Variants in PLRG1 observed in about 807,000 individuals in gnomAD.
The protein encoded by PLRG1 is pleiotropic regulator 1 (PRL1 homolog, Arabidopsis).
Under a neutral mutation model 74.9 loss-of-function variants are expected in PLRG1, and 28 were observed. That is an observed-to-expected ratio of 0.37 (90% CI 0.28 to 0.51). The LOEUF (loss-of-function observed/expected upper bound fraction) is 0.51. Ranked by LOEUF, PLRG1 falls within the 20% of genes least tolerant of loss-of-function variation. The pLI is 0.91. For missense variants in PLRG1, 445 were observed against 631.9 expected, an observed-to-expected ratio of 0.70 and a Z score of 3.17; for synonymous variants, 197 against 212.4, an observed-to-expected ratio of 0.93 and a Z score of 0.63.
chr4:154,537,591 A>G (rs973954328), intron 13 of PLRG1, 112 bp from the exon 14 acceptor site: 5 of 692,438 alleles, frequency 7.2e-6, no homozygotes, highest in East Asian at 2.7e-5. Context: ...ATAAAAATAC[A>G]TAAGACACAG....
intron 4 of PLRG1, among the ~76,000 whole-genome samples, 173 bp from the exon 5 acceptor site, chr4:154,546,386 T>C (rs1346525928): frequency 2.0e-5 from 3 of 152,206 alleles, no homozygotes; most frequent in Non-Finnish European, 2.9e-5. Flanking sequence ...CTACAATAAA[T>C]ACTGCTTAAT....
At chr4:154,542,829 A>T (rs973887434) in intron 7 of PLRG1, among the ~76,000 whole-genome samples, 4 of 152,234 alleles carry the variant, frequency 2.6e-5, no homozygotes, top group African/African-American at 9.6e-5. Flanking sequence ...GGAGCTAAAA[A>T]ATAAATGATC....
intron 1 of PLRG1, chr4:154,549,618 T>C (rs1396538085): frequency 2.2e-5 from 10 of 453,688 alleles, no homozygotes; most frequent in South Asian, 9.3e-5. Flanking sequence ...TCTAGCAACA[T>C]AGGGTCAGTA....
intron 7 of PLRG1, chr4:154,543,896 C>T (rs953782013): frequency 3.9e-5 from 6 of 152,124 alleles, no homozygotes; most frequent in African/African-American, 1.4e-4. Context: ...TTATGGAGTA[C>T]ATGAGATATT....
chr4:154,549,794 GTGAA>G (rs1560810451), intron 1 of PLRG1: 1 of 456,620 alleles, frequency 2.2e-6, no homozygotes, highest in African/African-American at 2.0e-5. Flanking sequence ...ATGGAGAAGA[GTGAA>G]TGGAATCAAT....
chr4:154,540,408 GA>G, intron 10 of PLRG1, 185 bp downstream of exon 10: 1 of 600,640 alleles, frequency 1.7e-6, no homozygotes, highest in Non-Finnish European at 2.9e-6. Context: ...CTAACATGGT[GA>G]GGCCATACAA....
intron 12 of PLRG1, among the ~76,000 whole-genome samples, chr4:154,538,353 T>C (rs549397832): frequency 1.3e-5 from 2 of 152,250 alleles, no homozygotes; most frequent in South Asian, 2.1e-4. Context: ...ATTTCCTTAA[T>C]GCTCTGCACT....
intron 2 of PLRG1, among the ~76,000 whole-genome samples, chr4:154,548,292 C>A (rs1475861835): frequency 1.3e-5 from 2 of 151,952 alleles, no homozygotes; most frequent in African/African-American, 4.8e-5. Context: ...AAAAGAAATG[C>A]ATTTATATTA....
At chr4:154,543,723 A>C (rs1009042318) in intron 7 of PLRG1, among the ~76,000 whole-genome samples, 2 of 152,186 alleles carry the variant, frequency 1.3e-5, no homozygotes, top group Admixed American at 6.5e-5. Context: ...AATTCATTAG[A>C]GCTGTATGTC....
chr4:154,543,626 A>G (rs530557809), intron 7 of PLRG1, among the ~76,000 whole-genome samples: 18 of 152,316 alleles, frequency 1.2e-4, no homozygotes, highest in African/African-American at 4.1e-4. Flanking sequence ...GTAACTACAA[A>G]CGAATAGCAC....
At chr4:154,549,085 G>T (rs1479622466) in intron 1 of PLRG1, 150 bp from the exon 2 acceptor site, 13 of 628,924 alleles carry the variant, frequency 2.1e-5, no homozygotes, top group South Asian at 2.0e-4. Flanking sequence ...CAGGAGTCAA[G>T]TTCAGAGAAG....
chr4:154,550,379 C>A lies in PLRG1; in HGVS notation c.-71G>T. 5 of 1,448,620 alleles carry A rather than the reference C, an allele frequency of 3.5e-6. No individual in the cohort carries two copies. Among genetic ancestry groups the A allele is most frequent in the South Asian group, 2.3e-5 (2 of 87,632 alleles). The allele number at this position is 1,448,620 out of a possible 1,614,324, so 89.7% of individuals were successfully genotyped here. The stretch of plus-strand genomic sequence containing the variant: ...ACTAACGCAGTACCCGCCGCCACAG[C>A]TGTGCAGCACCTTCCGGAATTGGGC... On this transcript the variant is annotated 5_prime_UTR_variant, in exon 1 of 15. Transcript: ENST00000499023.
chr4:154,537,941 C>A (rs1011629017), intron 13 of PLRG1, 28 bp downstream of exon 13: 2 of 1,286,444 alleles, frequency 1.6e-6, no homozygotes, highest in Non-Finnish European at 2.1e-6. Flanking sequence ...ACAGACTAAA[C>A]ATATTTATTA....
At chr4:154,543,708 A>G (rs1056302900) in intron 7 of PLRG1, among the ~76,000 whole-genome samples, 2 of 152,232 alleles carry the variant, frequency 1.3e-5, no homozygotes, top group East Asian at 1.9e-4. Context: ...CAATACATCT[A>G]TTACAATTCA....
Position 154,538,058 on chromosome 4 carries a change from G to A in PLRG1, c.1202C>T (p.Pro401Leu). The A allele has an allele frequency of 6.5e-7, 1 of 1,527,974 alleles. No individual in the cohort carries two copies. The highest frequency in any genetic ancestry group is 9.0e-7 in the Non-Finnish European group (1 of 1,113,372). 94.7% of individuals were successfully genotyped at this position (1,527,974 alleles called of 1,614,324 possible). A position where few individuals can be genotyped will look rare whatever the true frequency, so the allele number is the denominator to read the frequency against. ...AAGATTTTGAATGAAACTTCCATCA[G>A]GGAATTTCCACTGCTTTATGTTATC... The part of the protein sequence containing the change: ...SPDNIKQWKF[P>L]DGSFIQNLSG... The change falls in exon 13 of 15, where the codon CCT (proline) becomes CTT (leucine). Residue 401 changes from proline (P) to leucine (L), a missense_variant. Pro to Leu is a moderately conservative substitution (Grantham distance 98). Coordinates refer to ENST00000499023, the MANE Select transcript of PLRG1 (RefSeq NM_002669.4).
intron 6 of PLRG1, among the ~76,000 whole-genome samples, chr4:154,545,515 TA>T (rs199705573): frequency 0.32 from 46,321 of 146,420 alleles, 7,234 homozygotes; most frequent in Middle Eastern, 0.38. Context: ...TAAAATTTAA[TA>T]AAAAAAAAAA....
intron 6 of PLRG1, among the ~76,000 whole-genome samples, chr4:154,545,493 T>C (rs893444524): frequency 2.0e-5 from 3 of 150,258 alleles, no homozygotes; most frequent in East Asian, 3.9e-4. Flanking sequence ...AAGATAACTG[T>C]ACACACCAAC....
At chr4:154,542,338 T>C (rs1366599760) in intron 7 of PLRG1, 59 bp from the exon 8 acceptor site, 2 of 1,019,784 alleles carry the variant, frequency 2.0e-6, no homozygotes, top group Non-Finnish European at 3.1e-6. Flanking sequence ...TATTTAAGTT[T>C]AACTGCAGCC....
chr4:154,540,780 C>T lies in PLRG1; in HGVS notation c.837+5G>A. On this transcript the variant is annotated splice_donor_5th_base_variant and intron_variant, in intron 9 of 14. Transcript: ENST00000499023. ...AATGTTTTAAATCCTTAACTCCAAA[C>T]TTACCTTATTGTATTCGAGATCCCA... 1 of 1,613,098 alleles carries T rather than the reference C, an allele frequency of 6.2e-7. No homozygotes were observed. Among genetic ancestry groups the T allele is most frequent in the South Asian group, 1.1e-5 (1 of 90,986 alleles).
Sources: gnomAD v4.1 joint callset for allele counts (sites outside exome capture counted in the v4.1 genomes callset) on GRCh38, gnomAD v4.1.1 for gene constraint, MANE v1.5 for transcripts, NCBI Gene and HGNC (gene_info 2026-07-23, HGNC 2026-07-21) for gene names.